Variants in LUZP1 observed in about 807,000 individuals in gnomAD.
LUZP1 encodes filamin mechanobinding actin cross-linking protein.
In LUZP1, 25 loss-of-function variants were observed where a neutral mutation model predicts 71.3. The observed-to-expected ratio is 0.35, with a 90% CI of 0.26 to 0.49. The LOEUF is 0.49. Ranked by LOEUF, LUZP1 falls within the 20% of genes least tolerant of loss-of-function variation. The pLI is 0.99. For synonymous variants in LUZP1, 481 were observed against 506.4 expected, an observed-to-expected ratio of 0.95 and a Z score of 0.67; for missense variants, 1,142 against 1,300.8, an observed-to-expected ratio of 0.88 and a Z score of 1.88.
chr1:23,151,593 C>G (rs182585295), intron 2 of LUZP1, among the ~76,000 whole-genome samples: 1 of 152,152 alleles, frequency 6.6e-6, no homozygotes, highest in African/African-American at 2.4e-5. Flanking sequence ...ATTTCTTAAA[C>G]CTCTATGAGC....
intron 4 of LUZP1, chr1:23,090,802 G>T: frequency 1.4e-6 from 1 of 711,460 alleles, no homozygotes. Flanking sequence ...AAGGGCACCG[G>T]GCCTCCTCCT....
intron 2 of LUZP1, among the ~76,000 whole-genome samples, chr1:23,155,380 A>C (rs1337556006): frequency 6.6e-6 from 1 of 152,234 alleles, no homozygotes; most frequent in Non-Finnish European, 1.5e-5. Flanking sequence ...TTATGTGTTA[A>C]AACAATGTAA....
At chr1:23,084,838 A>AAAT (rs1289863109) in exon 5 of LUZP1, 1 of 152,282 alleles carries the variant, frequency 6.6e-6, no homozygotes. Flanking sequence ...TGGTTAGGTA[A>AAAT]AATACCCAAT....
intron 2 of LUZP1, among the ~76,000 whole-genome samples, chr1:23,155,705 A>C (rs1644416415): frequency 6.6e-6 from 1 of 152,034 alleles, no homozygotes; most frequent in South Asian, 2.1e-4. Context: ...AATCCCAGCT[A>C]CTCGGAAGGC....
At chr1:23,160,608 AAT>A (rs1321595182) in intron 2 of LUZP1, among the ~76,000 whole-genome samples, 1 of 152,240 alleles carries the variant, frequency 6.6e-6, no homozygotes, top group Non-Finnish European at 1.5e-5. Flanking sequence ...TAATAAAAAG[AAT>A]CCAAGTTAAT....
At chr1:23,105,723 G>GT (rs2124630321) in intron 3 of LUZP1, among the ~76,000 whole-genome samples, 1 of 152,268 alleles carries the variant, frequency 6.6e-6, no homozygotes, top group Admixed American at 6.5e-5. Context: ...TCATAGGCAT[G>GT]TCTTTTCTAT....
intron 2 of LUZP1, among the ~76,000 whole-genome samples, chr1:23,165,164 A>T (rs1226092650): frequency 6.6e-6 from 1 of 152,138 alleles, no homozygotes; most frequent in Non-Finnish European, 1.5e-5. Context: ...ATCTCACAGT[A>T]TTGAATCTGA....
exon 5 of LUZP1, chr1:23,088,981 G>T: frequency 1.2e-6 from 2 of 1,614,146 alleles, no homozygotes; most frequent in Non-Finnish European, 1.7e-6. Flanking sequence ...TGCTTCCCAG[G>T]CAGTTCAGAC....
chr1:23,178,041 C>CT (rs1403399339), upstream of LUZP1, among the ~76,000 whole-genome samples: 1 of 152,200 alleles, frequency 6.6e-6, no homozygotes, highest in Admixed American at 6.5e-5. Context: ...CTCCTTTGCG[C>CT]TGAACGGGGC....
exon 4 of LUZP1, chr1:23,091,664 C>A: frequency 1.2e-6 from 2 of 1,614,072 alleles, no homozygotes; most frequent in Non-Finnish European, 8.5e-7. Context: ...GCCTGTCCTT[C>A]AGGGGCCCAT....
chr1:23,089,394 A>G (rs1025031501), intron 4 of LUZP1, among the ~76,000 whole-genome samples: 1 of 152,130 alleles, frequency 6.6e-6, no homozygotes, highest in Non-Finnish European at 1.5e-5. Context: ...AGTTCTGCAC[A>G]TGCATGCAGG....
At position 23,119,469 on chromosome 1, in the gene LUZP1, T is replaced by C. The variant is rs550557715; in HGVS notation, c.-225-10342A>G. The stretch of plus-strand genomic sequence containing the variant: ...CTTTAAAAATAACAAGCTATGGGTG[T>C]GACCTTAGGCAAACTGCTTCATTTC... On this transcript the variant is annotated intron_variant, in intron 2 of 4. Transcript: ENST00000302291. 1.4e-3 allele frequency among the ~76,000 whole-genome samples: 207 copies of C among 152,256 alleles called. 1 individual carries two copies. Among genetic ancestry groups the C allele is most frequent in the Admixed American group, 3.0e-3 (46 of 15,272 alleles).
intron 2 of LUZP1, among the ~76,000 whole-genome samples, chr1:23,139,019 A>AAAATATATATAT (rs1317355746): frequency 7.0e-4 from 42 of 59,944 alleles, no homozygotes; most frequent in East Asian, 1.2e-3. Flanking sequence ...AAAAAAAAAA[A>AAAATATATATAT]ATATATATAT....
exon 4 of LUZP1, chr1:23,091,659 T>C (rs747695588): frequency 1.2e-6 from 2 of 1,614,092 alleles, no homozygotes; most frequent in South Asian, 2.2e-5. Context: ...TTCTGGCCTG[T>C]CCTTCAGGGG....
exon 5 of LUZP1, chr1:23,086,756 T>G (rs1643771907): frequency 6.6e-6 from 1 of 152,514 alleles, no homozygotes; most frequent in Admixed American, 6.5e-5. Flanking sequence ...TTCTGGCCAG[T>G]AAGCCAGGAG....
chr1:23,146,462 T>C (rs1471378135), intron 2 of LUZP1, among the ~76,000 whole-genome samples: 1 of 152,222 alleles, frequency 6.6e-6, no homozygotes, highest in Non-Finnish European at 1.5e-5. Context: ...CTCAGTGTCC[T>C]CATGTGTAAA....
exon 4 of LUZP1, chr1:23,091,217 G>A (rs201120879): frequency 6.5e-5 from 105 of 1,611,546 alleles, no homozygotes; most frequent in Non-Finnish European, 8.1e-5. Flanking sequence ...TCCAGGCTGC[G>A]ACAGTGATGG....
chr1:23,126,229 C>T (rs1644170929), intron 2 of LUZP1, among the ~76,000 whole-genome samples: 1 of 152,146 alleles, frequency 6.6e-6, no homozygotes, highest in Non-Finnish European at 1.5e-5. Flanking sequence ...CCTCCTAAAG[C>T]AACTTCTGAA....
At chr1:23,156,641 T>C (rs556282034) in intron 2 of LUZP1, among the ~76,000 whole-genome samples, 1 of 152,286 alleles carries the variant, frequency 6.6e-6, no homozygotes, top group African/African-American at 2.4e-5. Flanking sequence ...CATGATTTGT[T>C]TTATAGAGGT....
Sources: gnomAD v4.1 joint callset for allele counts (sites outside exome capture counted in the v4.1 genomes callset) on GRCh38, gnomAD v4.1.1 for gene constraint, MANE v1.5 for transcripts, NCBI Gene and HGNC (gene_info 2026-07-23, HGNC 2026-07-21) for gene names.